Variants in RSF1 observed in about 807,000 individuals in gnomAD.
RSF1 encodes HBV pX-associated protein 8.
RSF1 carries 13 observed loss-of-function variants against 145.2 expected under a neutral mutation model. That is an observed-to-expected ratio of 0.09 (90% confidence interval 0.06 to 0.14). The LOEUF is 0.14. Ranked by LOEUF, RSF1 falls within the 10% of genes least tolerant of loss-of-function variation. The pLI is 1.00. For missense variants in RSF1, 1,517 were observed against 1,718.2 expected (o/e 0.88, Z 2.07); for synonymous variants, 577 against 592.6 (o/e 0.97, Z 0.38).
In RSF1 at chr11:77,820,618, A is replaced by G; in HGVS notation, c.97T>C (p.Tyr33His). 6.4e-7 allele frequency: 1 copy of G among 1,567,328 alleles called. No homozygotes were observed. The highest frequency in any genetic ancestry group is 8.6e-7 in the Non-Finnish European group (1 of 1,157,764). ...FAVVCSFLER[Y>H]GPLLDLPELP... is the part of the protein sequence containing the mutation. ...TCAGGCAGGTCTAGCAGCGGCCCGT[A>G]GCGCTCCAAGAAGGAGCAGACTACG... The change falls in exon 1 of 16, where the codon TAC (tyrosine) becomes CAC (histidine). Residue 33 changes from tyrosine to histidine, a missense_variant. By Grantham distance (83) the Tyr-to-His change is moderately conservative (BLOSUM62 2). Coordinates refer to ENST00000308488, the MANE Select transcript of RSF1 (RefSeq NM_016578.4).
chr11:77,670,671 A>T (rs970367560), intron 15 of RSF1, among the ~76,000 whole-genome samples: 6 of 152,198 alleles, frequency 3.9e-5, no homozygotes, highest in African/African-American at 1.4e-4. Context: ...TCTGTGACAC[A>T]TGAAGGTAAG....
intron 1 of RSF1, among the ~76,000 whole-genome samples, chr11:77,811,111 A>G (rs1948726534): frequency 6.6e-6 from 1 of 152,184 alleles, no homozygotes; most frequent in African/African-American, 2.4e-5. Context: ...CAACTCTGCC[A>G]CAGTTGTGTG....
intron 1 of RSF1, among the ~76,000 whole-genome samples, chr11:77,802,222 T>C (rs1249725659): frequency 6.6e-6 from 1 of 151,998 alleles, no homozygotes; most frequent in Non-Finnish European, 1.5e-5. Flanking sequence ...ATACAGTAGG[T>C]TATTGAACCT....
the RSF1 span, among the ~76,000 whole-genome samples, chr11:77,862,339 G>A: frequency 6.6e-6 from 1 of 152,174 alleles, no homozygotes; most frequent in African/African-American, 2.4e-5. Flanking sequence ...ATATCTCCAT[G>A]TCAGATCAGA....
intron 5 of RSF1, among the ~76,000 whole-genome samples, chr11:77,712,814 T>C (rs1013147806): frequency 2.0e-5 from 3 of 152,246 alleles, no homozygotes. Context: ...ATTCTATGGA[T>C]TAAAATCTAT....
chr11:77,753,791 A>C (rs1056208021), intron 2 of RSF1, among the ~76,000 whole-genome samples: 5 of 152,188 alleles, frequency 3.3e-5, no homozygotes, highest in African/African-American at 1.2e-4. Flanking sequence ...ACTATTGTAC[A>C]ACCTAAGATT....
chr11:77,766,187 T>A (rs1213195937), intron 1 of RSF1, among the ~76,000 whole-genome samples: 1 of 152,220 alleles, frequency 6.6e-6, no homozygotes, highest in African/African-American at 2.4e-5. Flanking sequence ...GACCATTGTC[T>A]TATCATTCGC....
chr11:77,673,638 CAG>C (rs1959615872), intron 14 of RSF1, among the ~76,000 whole-genome samples: 2 of 152,114 alleles, frequency 1.3e-5, no homozygotes, highest in South Asian at 2.1e-4. Flanking sequence ...ACAGAAATGA[CAG>C]AGTTAGAATT....
intron 5 of RSF1, among the ~76,000 whole-genome samples, chr11:77,707,010 A>G (rs1273248842): frequency 1.3e-5 from 2 of 152,190 alleles, no homozygotes; most frequent in Non-Finnish European, 2.9e-5. Flanking sequence ...CCCAGTTACA[A>G]TATCACTCCA....
the RSF1 span, chr11:77,869,675 G>C: frequency 6.4e-7 from 1 of 1,553,154 alleles, no homozygotes; most frequent in Non-Finnish European, 8.9e-7. Context: ...CTATTGCAAT[G>C]AAAGATTGAG....
chr11:77,868,120 A>G, the RSF1 span, among the ~76,000 whole-genome samples: 1 of 150,362 alleles, frequency 6.7e-6, no homozygotes, highest in African/African-American at 2.5e-5. Flanking sequence ...CAGTGGCACA[A>G]TCTTGGCTCA....
In RSF1 at chr11:77,700,076, G is replaced by A. The variant is rs1960377588; in HGVS notation, c.2508+645C>T. 2.0e-5 allele frequency among the ~76,000 whole-genome samples: 3 copies of A among 152,116 alleles called. No homozygotes were observed. The South Asian group carries it at 6.2e-4, about 32-fold the overall frequency. The stretch of plus-strand genomic sequence containing the variant: ...TGCATGAAAAAGGACTGGAGGGCCA[G>A]GCACGGTGGCTCACGCCTGTAATCC... On this transcript the variant is annotated intron_variant, in intron 6 of 15. Transcript: ENST00000308488.
chr11:77,708,611 T>C (rs1249728454), intron 5 of RSF1, among the ~76,000 whole-genome samples: 3 of 152,156 alleles, frequency 2.0e-5, no homozygotes, highest in Non-Finnish European at 2.9e-5. Flanking sequence ...CAGATTCAAG[T>C]GAATCAAGAC....
At chr11:77,703,594 G>GT (rs931737155) in intron 5 of RSF1, 1 of 152,152 alleles carries the variant, frequency 6.6e-6, no homozygotes, top group Non-Finnish European at 1.5e-5. Context: ...AGCAGGATAT[G>GT]TTTTTTGAAA....
the RSF1 span, chr11:77,868,841 C>T: frequency 5.0e-6 from 1 of 198,830 alleles, no homozygotes; most frequent in Non-Finnish European, 1.1e-5. Context: ...TTCTCTCTGG[C>T]TTCCTTCTTT....
intron 3 of RSF1, among the ~76,000 whole-genome samples, chr11:77,744,321 G>A (rs1014948930): frequency 8.0e-5 from 12 of 149,620 alleles, no homozygotes; most frequent in African/African-American, 3.0e-4. Context: ...GAGCCACCCC[G>A]CCTGGCTTAT....
upstream of RSF1, among the ~76,000 whole-genome samples, chr11:77,822,129 A>G (rs1009027560): frequency 6.6e-6 from 1 of 152,186 alleles, no homozygotes; most frequent in African/African-American, 2.4e-5. Context: ...TTAAAACTCA[A>G]TGTAGTACCT....
chr11:77,846,006 CAT>C, the RSF1 span, among the ~76,000 whole-genome samples: 2 of 151,348 alleles, frequency 1.3e-5, no homozygotes, highest in Non-Finnish European at 2.9e-5. Flanking sequence ...TTATATTTCT[CAT>C]TTTTTTTTTT....
At chr11:77,863,087 C>T in the RSF1 span, among the ~76,000 whole-genome samples, 2 of 152,060 alleles carry the variant, frequency 1.3e-5, no homozygotes, top group African/African-American at 4.8e-5. Context: ...CTTGGCCTCA[C>T]GGATTCCAAG....
Sources: gnomAD v4.1 joint callset for allele counts (sites outside exome capture counted in the v4.1 genomes callset) on GRCh38, gnomAD v4.1.1 for gene constraint, MANE v1.5 for transcripts, NCBI Gene and HGNC (gene_info 2026-07-23, HGNC 2026-07-21) for gene names.